The following RSPO2 variants were observed in gnomAD, a reference collection of about 807,000 sequenced individuals.
The protein encoded by RSPO2 is R-spondin 2.
RSPO2 carries 14 observed loss-of-function variants against 30.9 expected under a neutral mutation model. The ratio of observed to expected loss-of-function variants is 0.45; its 90% CI spans 0.30 to 0.71. The LOEUF (loss-of-function observed/expected upper bound fraction) is 0.71, where lower values mean the gene tolerates loss of function less well. Among genes scored for constraint, RSPO2 ranks in the 30% least tolerant of loss-of-function variants. The pLI is 0.08. For synonymous variants in RSPO2, 107 were observed against 96.4 expected, an observed-to-expected ratio of 1.11 and a Z score of -0.64; for missense variants, 264 against 301.9, an observed-to-expected ratio of 0.87 and a Z score of 0.93.
At chr8:108,058,796 T>G (rs565117494) in intron 2 of RSPO2, among the ~76,000 whole-genome samples, 1 of 151,826 alleles carries the variant, frequency 6.6e-6, no homozygotes, top group Non-Finnish European at 1.5e-5. Flanking sequence ...GCTAGCTATA[T>G]GTAGAAAGCT....
chr8:107,977,350 G>A (rs776506610), intron 3 of RSPO2, among the ~76,000 whole-genome samples: 1 of 152,114 alleles, frequency 6.6e-6, no homozygotes. Flanking sequence ...CAAATTCTCG[G>A]GCTCCATCTC....
chr8:107,937,484 C>A (rs537043496), intron 5 of RSPO2, among the ~76,000 whole-genome samples: 1 of 128,886 alleles, frequency 7.8e-6, no homozygotes, highest in African/African-American at 2.5e-5. Flanking sequence ...AGAGATGTGT[C>A]CAAGTCCACA....
chr8:108,062,770 C>CA (rs1491112593), intron 2 of RSPO2, among the ~76,000 whole-genome samples: 3 of 151,658 alleles, frequency 2.0e-5, no homozygotes, highest in Non-Finnish European at 4.4e-5. Context: ...AACATTGATG[C>CA]AAAAATCCTC....
Position 108,062,631 on chromosome 8 carries a change from T to C in RSPO2, c.94+19914A>G, listed in dbSNP as rs1812507680. Reference sequence around the variant, plus strand: ...AAGGAGGAGTTGGTACCATTCCTTCTGAAACTATTCCAATCAACAGAAAAA... The same window carrying C: ...AAGGAGGAGTTGGTACCATTCCTTCCGAAACTATTCCAATCAACAGAAAAA... On this transcript the variant is annotated intron_variant, in intron 2 of 5. Transcript: ENST00000276659. Among the ~76,000 whole-genome samples, 4 of 151,884 alleles carry C rather than the reference T, an allele frequency of 2.6e-5. 1 individual carries two copies.
In RSPO2 at chr8:108,055,433, G is replaced by C. The variant is rs576673084; in HGVS notation, c.94+27112C>G. The stretch of plus-strand genomic sequence containing the variant: ...AATCCACTGAAGCATTTAAATGGGG[G>C]GGAGAATTGCTGATTTTCATTTTAT... On this transcript the variant is annotated intron_variant, in intron 2 of 5. Transcript: ENST00000276659. 8.5e-5 allele frequency among the ~76,000 whole-genome samples: 13 copies of C among 152,228 alleles called. No individual in the cohort carries two copies. The South Asian group carries it at 2.7e-3, about 32-fold the overall frequency.
intron 2 of RSPO2, among the ~76,000 whole-genome samples, chr8:108,011,750 G>A (rs1455059738): frequency 2.0e-5 from 3 of 152,162 alleles, no homozygotes; most frequent in Non-Finnish European, 2.9e-5. Flanking sequence ...CCGTGCAGAG[G>A]AAATAATTGG....
chr8:108,016,550 C>T (rs1810893764), intron 2 of RSPO2, among the ~76,000 whole-genome samples: 1 of 152,092 alleles, frequency 6.6e-6, no homozygotes, highest in African/African-American at 2.4e-5. Flanking sequence ...GAAAAAAAAC[C>T]ACCTTCAGAG....
chr8:107,907,005 T>C (rs1340220108), intron 5 of RSPO2, among the ~76,000 whole-genome samples: 1 of 151,900 alleles, frequency 6.6e-6, no homozygotes, highest in Non-Finnish European at 1.5e-5. Context: ...TTAACACATA[T>C]ACATTTTACT....
In RSPO2 at chr8:107,945,736, G is replaced by C. The variant is rs1342191267; in HGVS notation, c.616+12344C>G. ...TTTATTCAATTGTCCCATACTCCAGGTCTATATTCTGAAGTCTCATCTCCT... is the reference window on the plus strand; with the variant it reads ...TTTATTCAATTGTCCCATACTCCAGCTCTATATTCTGAAGTCTCATCTCCT... On this transcript the variant is annotated intron_variant, in intron 5 of 5. Transcript: ENST00000276659. Among the ~76,000 whole-genome samples, 4 of 151,868 alleles carry C rather than the reference G, an allele frequency of 2.6e-5. No individual in the cohort carries two copies. The South Asian group carries it at 8.3e-4, about 32-fold the overall frequency.
At position 108,082,816 on chromosome 8, in the gene RSPO2, C is replaced by A. The variant is rs2130744343; in HGVS notation, c.-169-9G>T. The A allele has an allele frequency of 1.7e-6, 1 of 576,122 alleles. No homozygotes were observed. Among genetic ancestry groups the A allele is most frequent in the Non-Finnish European group, 3.1e-6 (1 of 324,720 alleles). 35.7% of individuals were successfully genotyped at this position (576,122 alleles called of 1,614,324 possible). The stretch of plus-strand genomic sequence containing the variant: ...ATCTCTCCGCCACGAACCTGAGAGA[C>A]AAGAAGCGAAAACAGGGTGTGTGGG... On this transcript the variant is annotated splice_polypyrimidine_tract_variant and intron_variant, in intron 1 of 5. Coordinates refer to ENST00000276659, the MANE Select transcript of RSPO2 (RefSeq NM_178565.5).
chr8:107,982,035 AAGGAAAGAAAGAAG>A (rs1814459321), intron 3 of RSPO2, among the ~76,000 whole-genome samples: 1 of 147,270 alleles, frequency 6.8e-6, no homozygotes, highest in African/African-American at 2.5e-5. Flanking sequence ...AAAAAAAAGG[AAGGAAAGAAAGAAG>A]AAAAAAAAGG....
At chr8:107,979,280 C>A (rs1439699103) in intron 3 of RSPO2, among the ~76,000 whole-genome samples, 1 of 152,138 alleles carries the variant, frequency 6.6e-6, no homozygotes, top group Non-Finnish European at 1.5e-5. Flanking sequence ...TGGAAACAAC[C>A]CAAATGTCCA....
At chr8:107,944,377 A>G (rs1285603636) in intron 5 of RSPO2, among the ~76,000 whole-genome samples, 1 of 152,190 alleles carries the variant, frequency 6.6e-6, no homozygotes, top group Non-Finnish European at 1.5e-5. Flanking sequence ...TAATTTGTAT[A>G]TCTAAATGAA....
chr8:108,068,967 TATA>T (rs1346093434), intron 2 of RSPO2, among the ~76,000 whole-genome samples: 1 of 152,212 alleles, frequency 6.6e-6, no homozygotes, highest in Admixed American at 6.5e-5. Context: ...ATTAATACTG[TATA>T]ATAATGTGTG....
intron 2 of RSPO2, among the ~76,000 whole-genome samples, chr8:107,995,485 A>G (rs759974773): frequency 6.6e-6 from 1 of 152,144 alleles, no homozygotes; most frequent in African/African-American, 2.4e-5. Context: ...GCATCTTTCC[A>G]TAACAATGAA....
intron 2 of RSPO2, among the ~76,000 whole-genome samples, chr8:108,028,674 G>A (rs1466941916): frequency 2.0e-5 from 3 of 152,186 alleles, no homozygotes; most frequent in African/African-American, 7.2e-5. Flanking sequence ...TCCTGTGGTT[G>A]TCTACACTGT....
At chr8:108,019,524 C>A (rs1586632919) in intron 2 of RSPO2, among the ~76,000 whole-genome samples, 1 of 142,570 alleles carries the variant, frequency 7.0e-6, no homozygotes, top group Non-Finnish European at 1.5e-5. Flanking sequence ...TTTCGGTCTT[C>A]TCAGCCTTTC....
At chr8:107,910,632 A>G (rs905590751) in intron 5 of RSPO2, among the ~76,000 whole-genome samples, 7 of 152,200 alleles carry the variant, frequency 4.6e-5, no homozygotes, top group Non-Finnish European at 8.8e-5. Flanking sequence ...GAGGGGATGT[A>G]TGCTCCACAA....
intron 5 of RSPO2, among the ~76,000 whole-genome samples, chr8:107,911,886 G>C (rs926004331): frequency 6.6e-6 from 1 of 152,022 alleles, no homozygotes; most frequent in Admixed American, 6.6e-5. Flanking sequence ...AAATTAATAA[G>C]TAAATACTAG....
Sources: gnomAD v4.1 joint callset for allele counts (sites outside exome capture counted in the v4.1 genomes callset) on GRCh38, gnomAD v4.1.1 for gene constraint, MANE v1.5 for transcripts, NCBI Gene and HGNC (gene_info 2026-07-23, HGNC 2026-07-21) for gene names.